PARD3: variants seen among roughly 807,000 people sequenced by gnomAD.
PARD3 encodes par-3 family cell polarity regulator, also known as partitioning defective 3 homolog.
PARD3 carries 75 observed loss-of-function variants against 155.4 expected under a neutral mutation model. That is an observed-to-expected ratio of 0.48 (90% CI 0.40 to 0.58). The LOEUF is 0.58. Ranked by LOEUF, PARD3 falls within the 20% of genes least tolerant of loss-of-function variation. PARD3 has a pLI of 0.00. For missense variants in PARD3, 1,642 were observed against 1,721.7 expected, an observed-to-expected ratio of 0.95 and a Z score of 0.82; for synonymous variants, 576 against 610.5, an observed-to-expected ratio of 0.94 and a Z score of 0.83.
intron 2 of PARD3, among the ~76,000 whole-genome samples, chr10:34,594,628 G>C (rs1307770495): frequency 6.6e-6 from 1 of 152,074 alleles, no homozygotes; most frequent in Non-Finnish European, 1.5e-5. Flanking sequence ...TTCAAAATAA[G>C]TCAACCAGCC....
At chr10:34,681,973 T>C (rs907226640) in intron 2 of PARD3, among the ~76,000 whole-genome samples, 2 of 151,116 alleles carry the variant, frequency 1.3e-5, no homozygotes, top group Non-Finnish European at 2.9e-5. Flanking sequence ...AAGTGTTCTC[T>C]ATTTACTTCA....
chr10:34,368,721 T>C (rs1034111404), intron 12 of PARD3, among the ~76,000 whole-genome samples: 1 of 151,550 alleles, frequency 6.6e-6, no homozygotes, highest in African/African-American at 2.4e-5. Context: ...GGAGAAAGTA[T>C]TTGCAAAACT....
intron 2 of PARD3, among the ~76,000 whole-genome samples, chr10:34,553,048 G>A (rs1024791716): frequency 2.0e-5 from 3 of 152,082 alleles, no homozygotes; most frequent in South Asian, 2.1e-4. Context: ...ACTAAACAAC[G>A]TACTATGTGA....
intron 2 of PARD3, among the ~76,000 whole-genome samples, chr10:34,596,236 C>CTT (rs397844990): frequency 0.022 from 3,313 of 147,674 alleles, 43 homozygotes; most frequent in Middle Eastern, 0.036. Flanking sequence ...CAAATTTTTA[C>CTT]TTTTTTTTTT....
intron 22 of PARD3, among the ~76,000 whole-genome samples, chr10:34,138,390 C>T (rs553272301): frequency 1.3e-5 from 2 of 152,238 alleles, no homozygotes; most frequent in South Asian, 4.1e-4. Context: ...GCTACTGCAC[C>T]CAAAACACCT....
chr10:34,432,337 T>TACACACACACACAC (rs71917947), intron 5 of PARD3, among the ~76,000 whole-genome samples: 58 of 143,560 alleles, frequency 4.0e-4, no homozygotes, highest in Non-Finnish European at 5.4e-4. Context: ...CACGTGCACA[T>TACACACACACACAC]ACACACACAC....
chr10:34,811,829 CAGA>C (rs1290129936), intron 1 of PARD3, among the ~76,000 whole-genome samples: 1 of 152,140 alleles, frequency 6.6e-6, no homozygotes, highest in Admixed American at 6.5e-5. Flanking sequence ...GTCGCAAGCG[CAGA>C]AGAACAGATG....
chr10:34,358,397 C>T (rs187168969), intron 14 of PARD3, among the ~76,000 whole-genome samples: 17 of 152,142 alleles, frequency 1.1e-4, no homozygotes, highest in Non-Finnish European at 1.6e-4. Context: ...GAGTATAATA[C>T]AATACAGATC....
intron 1 of PARD3, among the ~76,000 whole-genome samples, chr10:34,711,913 A>G (rs536774582): frequency 6.6e-6 from 1 of 152,240 alleles, no homozygotes; most frequent in African/African-American, 2.4e-5. Flanking sequence ...ACATTCCAGG[A>G]AACATTTCAG....
intron 21 of PARD3, among the ~76,000 whole-genome samples, chr10:34,282,021 CA>C (rs1239584842): frequency 1.3e-5 from 2 of 151,818 alleles, no homozygotes; most frequent in East Asian, 1.9e-4. Flanking sequence ...CTGCAGTTTC[CA>C]TTCTCAAAAA....
At chr10:34,666,816 T>TATATAC (rs765552982) in intron 2 of PARD3, among the ~76,000 whole-genome samples, 6,435 of 87,978 alleles carry the variant, frequency 0.073, 309 homozygotes, top group East Asian at 0.2. Context: ...TATATATATA[T>TATATAC]ACACACACAC....
At chr10:34,354,706 A>AT (rs1838590105) in intron 14 of PARD3, among the ~76,000 whole-genome samples, 1 of 152,144 alleles carries the variant, frequency 6.6e-6, no homozygotes, top group African/African-American at 2.4e-5. Context: ...AGAGCATCCC[A>AT]TGTCTGAGAA....
intron 3 of PARD3, among the ~76,000 whole-genome samples, chr10:34,498,014 C>G (rs1405933648): frequency 1.3e-5 from 2 of 152,160 alleles, no homozygotes; most frequent in African/African-American, 4.8e-5. Context: ...TTTCCCCCCT[C>G]TCCTACCTCC....
chr10:34,137,871 A>G (rs1192045164), intron 22 of PARD3, among the ~76,000 whole-genome samples: 1 of 152,210 alleles, frequency 6.6e-6, no homozygotes, highest in Non-Finnish European at 1.5e-5. Context: ...AGGTTAGGCA[A>G]TTTGCTATGT....
chr10:34,806,127 C>G (rs1330065979), intron 1 of PARD3, among the ~76,000 whole-genome samples: 1 of 151,788 alleles, frequency 6.6e-6, no homozygotes, highest in Non-Finnish European at 1.5e-5. Flanking sequence ...AACTCCTGAG[C>G]TCAAGCAATC....
chr10:34,274,996 C>T (rs534612502), intron 21 of PARD3, among the ~76,000 whole-genome samples: 89 of 152,156 alleles, frequency 5.8e-4, no homozygotes, highest in African/African-American at 2.1e-3. Flanking sequence ...TATTAATTAG[C>T]AGTCAATTTC....
intron 22 of PARD3, among the ~76,000 whole-genome samples, chr10:34,168,617 C>T (rs1325530707): frequency 1.3e-5 from 2 of 152,154 alleles, no homozygotes; most frequent in East Asian, 3.9e-4. Flanking sequence ...TATGTCCTGA[C>T]AGGCCCTCCC....
chr10:34,761,922 T>C (rs534348923), intron 1 of PARD3, among the ~76,000 whole-genome samples: 6 of 152,090 alleles, frequency 3.9e-5, no homozygotes, highest in African/African-American at 1.4e-4. Flanking sequence ...CATATAAACA[T>C]AACATAGATA....
intron 21 of PARD3, among the ~76,000 whole-genome samples, chr10:34,274,798 C>T (rs1447496421): frequency 2.6e-5 from 4 of 152,112 alleles, no homozygotes; most frequent in Non-Finnish European, 5.9e-5. Context: ...AAAAATCCAG[C>T]TTACTTACAT....
Sources: allele counts gnomAD v4.1 joint callset (sites outside exome capture counted in the v4.1 genomes callset), GRCh38; gene constraint gnomAD v4.1.1; transcripts MANE v1.5; gene names NCBI Gene and HGNC (gene_info 2026-07-23, HGNC 2026-07-21).